TBK1: variants seen among roughly 807,000 people sequenced by gnomAD.
TBK1 encodes serine/threonine-protein kinase TBK1.
In TBK1, 37 loss-of-function variants were observed where a neutral mutation model predicts 99.9. The ratio of observed to expected loss-of-function variants is 0.37; its 90% CI spans 0.28 to 0.49. The LOEUF (loss-of-function observed/expected upper bound fraction) is 0.49, where lower values mean the gene tolerates loss of function less well. Ranked by LOEUF, TBK1 falls within the 20% of genes least tolerant of loss-of-function variation. TBK1 has a pLI of 0.98. For missense variants in TBK1, 644 were observed against 872.5 expected, an observed-to-expected ratio of 0.74 and a Z score of 3.30; for synonymous variants, 258 against 279.8, an observed-to-expected ratio of 0.92 and a Z score of 0.78.
intron 1 of TBK1, among the ~76,000 whole-genome samples, chr12:64,455,552 A>G (rs1259168502): frequency 6.6e-6 from 1 of 152,216 alleles, no homozygotes; most frequent in Non-Finnish European, 1.5e-5. Flanking sequence ...AAAAAGTTGA[A>G]AGTAAAAATC....
At chr12:64,484,233 A>T in intron 8 of TBK1, 70 bp from the exon 9 acceptor site, 2 of 964,606 alleles carry the variant, frequency 2.1e-6, no homozygotes, top group Non-Finnish European at 3.1e-6. Context: ...ATGTTGTTGC[A>T]CTCATTTAAA....
At chr12:64,464,502 A>G (rs1322196339) in intron 4 of TBK1, 39 bp downstream of exon 4, 1 of 1,449,532 alleles carries the variant, frequency 6.9e-7, no homozygotes, top group Non-Finnish European at 9.2e-7. Context: ...TTGTATATAA[A>G]ATTTAATAAC....
intron 4 of TBK1, among the ~76,000 whole-genome samples, chr12:64,465,254 A>AC (rs1222812360): frequency 2.0e-5 from 3 of 151,004 alleles, no homozygotes; most frequent in Middle Eastern, 3.4e-3. Context: ...AAAAAAAAAA[A>AC]AAAAAAAAAA....
At chr12:64,480,215 G>A in intron 7 of TBK1, 93 bp downstream of exon 7, 1 of 783,546 alleles carries the variant, frequency 1.3e-6, no homozygotes, top group Non-Finnish European at 2.0e-6. Context: ...CTGAAGTGTA[G>A]TTTGATTTTA....
intron 13 of TBK1, among the ~76,000 whole-genome samples, chr12:64,491,450 A>G (rs1256696236): frequency 6.6e-6 from 1 of 151,916 alleles, no homozygotes; most frequent in East Asian, 1.9e-4. Context: ...ATGAAACCCC[A>G]TCTCTACAAA....
chr12:64,460,825 T>A (rs1592354054), intron 3 of TBK1, among the ~76,000 whole-genome samples: 3 of 125,914 alleles, frequency 2.4e-5, no homozygotes, highest in East Asian at 4.5e-4. Flanking sequence ...AGAGGGAGAC[T>A]CCATCTCAAA....
In TBK1 at chr12:64,485,461, TC is replaced by T; in HGVS notation, c.1199del (p.Pro400LeufsTer9). On this transcript the variant is annotated frameshift_variant, in exon 10 of 21. Coordinates refer to ENST00000331710, the MANE Select transcript of TBK1 (RefSeq NM_013254.4). LOFTEE classifies it high-confidence loss of function. ...ATTTTACTTCATATTTCAGTTTCCC[TC>T]CCTAAAGTACATCCACGTTATGATT... is the stretch of plus-strand genomic sequence containing the variant. Reference protein sequence around the residue: ...TIGLIYEKISLPKVHPRYDLD... With the variant: ...TIGLIYEKISXPKVHPRYDLD... The T allele has an allele frequency of 6.5e-7, 1 of 1,540,022 alleles. No individual in the cohort carries two copies. Among genetic ancestry groups the T allele is most frequent in the South Asian group, 1.2e-5 (1 of 81,722 alleles).
chr12:64,454,817 C>T (rs55690537), intron 1 of TBK1, among the ~76,000 whole-genome samples: 14,495 of 150,130 alleles, frequency 0.097, 828 homozygotes, highest in Middle Eastern at 0.21. Context: ...GCTGGGTCTA[C>T]AGGCGCCCGC....
At chr12:64,480,715 G>C (rs1173253492) in intron 7 of TBK1, among the ~76,000 whole-genome samples, 1 of 152,128 alleles carries the variant, frequency 6.6e-6, no homozygotes, top group Non-Finnish European at 1.5e-5. Flanking sequence ...AAAGTAGAAA[G>C]TAAATTATTT....
intron 2 of TBK1, among the ~76,000 whole-genome samples, chr12:64,456,839 T>TAA (rs532644739): frequency 7.6e-5 from 9 of 118,642 alleles, no homozygotes; most frequent in East Asian, 7.0e-4. Context: ...AAGACTCAAT[T>TAA]AAAAAAAAAA....
chr12:64,455,821 A>G lies in TBK1; in HGVS notation c.-31-19A>G. 1 of 1,473,978 alleles carries G rather than the reference A, an allele frequency of 6.8e-7. No individual in the cohort carries two copies. The highest frequency in any genetic ancestry group is 9.3e-7 in the Non-Finnish European group (1 of 1,077,772). The allele number at this position is 1,473,978 out of a possible 1,614,324, so 91.3% of individuals were successfully genotyped here. A position where few individuals can be genotyped will look rare whatever the true frequency, so the allele number is the denominator to read the frequency against. On this transcript the variant is annotated intron_variant, in intron 1 of 20. Transcript: ENST00000331710. ...GTTACTCCCTTAAAACATAGTTGCAAATTTTTTTTTTCTCTTAGTATAACA... is the reference window on the plus strand; with the variant it reads ...GTTACTCCCTTAAAACATAGTTGCAGATTTTTTTTTTCTCTTAGTATAACA...
At position 64,495,489 on chromosome 12, in the gene TBK1, A is replaced by C; in HGVS notation, c.1528A>C (p.Ser510Arg). Residue 510 changes from serine (S) to arginine (R), a missense_variant, in exon 14 of 21, where the codon AGT (serine) becomes CGT (arginine). Transcript: ENST00000331710. ...DIHTKLLRLS[S>R]SQGTIETSLQ... The stretch of plus-strand genomic sequence containing the variant: ...AACCTTTGGTTTTATTTAGCTTTCC[A>C]GTTCTCAGGGAACAATAGAAACCAG... 6.2e-7 allele frequency: 1 copy of C among 1,613,146 alleles called. No homozygotes were observed. The highest frequency in any genetic ancestry group is 8.5e-7 in the Non-Finnish European group (1 of 1,179,692).
At chr12:64,459,241 A>G (rs1267770535) in intron 2 of TBK1, among the ~76,000 whole-genome samples, 4 of 152,186 alleles carry the variant, frequency 2.6e-5, no homozygotes, top group East Asian at 1.9e-4. Flanking sequence ...TAAATGGGGG[A>G]AAATGTAAGG....
At chr12:64,477,050 A>G (rs2040721315) in intron 6 of TBK1, among the ~76,000 whole-genome samples, 2 of 152,162 alleles carry the variant, frequency 1.3e-5, no homozygotes, top group African/African-American at 4.8e-5. Context: ...TACCAGTACC[A>G]TGCTGTTTTG....
intron 3 of TBK1, among the ~76,000 whole-genome samples, chr12:64,461,221 A>AAATAAAAATTTTGTATTTCATG (rs1431663454): frequency 5.9e-5 from 9 of 152,086 alleles, no homozygotes; most frequent in Non-Finnish European, 1.3e-4. Flanking sequence ...AACTTTAAAA[A>AAATAAAAATTTTGTATTTCATG]AATAAAAATT....
In TBK1 at chr12:64,490,120, G is replaced by GT; in HGVS notation, c.1521+2dup. ...AGACATACACACCAAATTGTTGAGA[G>GT]TAAGTGTTTACAAAATTACGAAATT... On this transcript the variant is annotated splice_donor_variant, in intron 13 of 20. Coordinates refer to ENST00000331710, the MANE Select transcript of TBK1 (RefSeq NM_013254.4). LOFTEE classifies it high-confidence loss of function. 1.2e-6 allele frequency: 2 copies of GT among 1,605,414 alleles called. No individual in the cohort carries two copies. The highest frequency in any genetic ancestry group is 1.7e-6 in the Non-Finnish European group (2 of 1,175,110).
At chr12:64,489,261 T>C (rs537343584) in intron 12 of TBK1, among the ~76,000 whole-genome samples, 2 of 152,344 alleles carry the variant, frequency 1.3e-5, no homozygotes, top group East Asian at 1.9e-4. Flanking sequence ...TTTAGAATTA[T>C]AGGAATTACT....
At chr12:64,495,124 C>T (rs972650636) in intron 13 of TBK1, among the ~76,000 whole-genome samples, 3 of 152,138 alleles carry the variant, frequency 2.0e-5, no homozygotes, top group African/African-American at 7.2e-5. Context: ...ATATTTGGAA[C>T]TATTCTAGTG....
intron 15 of TBK1, 78 bp from the exon 16 acceptor site, chr12:64,496,289 A>G: frequency 1.4e-6 from 1 of 731,618 alleles, no homozygotes; most frequent in Non-Finnish European, 2.1e-6. Context: ...TTTTGAAGCA[A>G]TAATCTCAAA....
Sources: allele counts gnomAD v4.1 joint callset (sites outside exome capture counted in the v4.1 genomes callset), GRCh38; gene constraint gnomAD v4.1.1; transcripts MANE v1.5; gene names NCBI Gene and HGNC (gene_info 2026-07-23, HGNC 2026-07-21).